Variants in IL1RAP observed in about 807,000 individuals in gnomAD.
The protein encoded by IL1RAP is interleukin-1 receptor accessory protein.
In IL1RAP, 35 loss-of-function variants were observed where a neutral mutation model predicts 60.7. That is an observed-to-expected ratio of 0.58 (90% confidence interval 0.44 to 0.76). The LOEUF (loss-of-function observed/expected upper bound fraction) is 0.76, where lower values mean the gene tolerates loss of function less well. Ranked by LOEUF, IL1RAP falls within the 30% of genes least tolerant of loss-of-function variation. The probability of loss-of-function intolerance (pLI) is 0.00; values close to 1 mark genes in which losing one functional copy is unlikely to be tolerated. For missense variants in IL1RAP, 572 were observed against 693.9 expected (o/e 0.82, Z 1.97); for synonymous variants, 268 against 250.9 (o/e 1.07, Z -0.64).
intron 9 of IL1RAP, among the ~76,000 whole-genome samples, chr3:190,631,629 G>A (rs1374819814): frequency 6.6e-6 from 1 of 152,106 alleles, no homozygotes; most frequent in Non-Finnish European, 1.5e-5. Flanking sequence ...AAATTTATTA[G>A]CAAAGCATTA....
intron 1 of IL1RAP, among the ~76,000 whole-genome samples, chr3:190,551,534 A>G (rs1724865109): frequency 6.6e-6 from 1 of 152,234 alleles, no homozygotes; most frequent in African/African-American, 2.4e-5. Flanking sequence ...AAAACAAAAC[A>G]AAGATCAGCA....
At chr3:190,564,205 C>T (rs1000231954) in intron 2 of IL1RAP, 84 bp from the exon 3 acceptor site, 20 of 859,050 alleles carry the variant, frequency 2.3e-5, no homozygotes, top group Non-Finnish European at 4.0e-5. Flanking sequence ...AGTCTATAGT[C>T]AGCAGGCATG....
rs1478079389 is a variant in IL1RAP, at chr3:190,644,261, A to G, written c.1065A>G (p.Arg355=). 1 of 1,613,422 alleles carries G rather than the reference A, an allele frequency of 6.2e-7. No homozygotes were observed. Among genetic ancestry groups the G allele is most frequent in the Admixed American group, 1.7e-5 (1 of 59,920 alleles). Residue 355 remains arginine, a synonymous_variant, in exon 10 of 12, where the codon AGA becomes AGG. Transcript: ENST00000447382. ...TGTTCATTCCAGTGCCAGCTCCAAG[A>G]TACACAGTGGAACTGGCTTGTGGTT... ...AKVKQKVPAP[R]YTVELACGFG... is the part of the protein sequence containing the mutation.
At chr3:190,617,121 CTTCA>C (rs1731349236) in intron 5 of IL1RAP, among the ~76,000 whole-genome samples, 2 of 152,138 alleles carry the variant, frequency 1.3e-5, no homozygotes, top group South Asian at 4.1e-4. Flanking sequence ...CCAAATCTTT[CTTCA>C]TTAAGTTTTT....
chr3:190,601,791 GA>G (rs1241279051), intron 3 of IL1RAP, among the ~76,000 whole-genome samples: 2 of 151,984 alleles, frequency 1.3e-5, no homozygotes, highest in African/African-American at 4.8e-5. Context: ...TGGAAAGCCA[GA>G]TAGCCATACT....
In IL1RAP at chr3:190,609,177, A is replaced by G. The variant is rs1345736279; in HGVS notation, c.533A>G (p.Tyr178Cys). ...AGTGTCAAACCGACTATCACTTGGT[A>G]TATGGTAAGGAAAATTAGACTACAT... ...PSSVKPTITW[Y>C]MGCYKIQNFN... is the part of the protein sequence containing the mutation. The change falls in exon 5 of 12, where the codon TAT becomes TGT. Residue 178 changes from tyrosine to cysteine, a missense_variant. Physicochemically the swap from Tyr to Cys is radical, Grantham distance 194 (BLOSUM62 -2). Transcript: ENST00000447382. 1 of 1,599,234 alleles carries G rather than the reference A, an allele frequency of 6.3e-7. No individual in the cohort carries two copies. The highest frequency in any genetic ancestry group is 8.5e-7 in the Non-Finnish European group (1 of 1,171,836).
In IL1RAP at chr3:190,650,446, C is replaced by T; in HGVS notation, c.*1741C>T. 1.0e-6 allele frequency: 1 copy of T among 983,616 alleles called. No individual in the cohort carries two copies. The highest frequency in any genetic ancestry group is 1.2e-6 in the Non-Finnish European group (1 of 828,380). 60.9% of individuals were successfully genotyped at this position (983,616 alleles called of 1,614,324 possible). On this transcript the variant is annotated 3_prime_UTR_variant, in exon 12 of 12. Transcript: ENST00000447382. The stretch of plus-strand genomic sequence containing the variant: ...ACTAAGCTATGTTAACCTCAGTGCT[C>T]AACTATTTGAACTGTTGAGTGATAA...
At chr3:190,590,208 G>A (rs1728823060) in intron 3 of IL1RAP, among the ~76,000 whole-genome samples, 1 of 151,210 alleles carries the variant, frequency 6.6e-6, no homozygotes, top group African/African-American at 2.4e-5. Context: ...ATATATTTGT[G>A]ACATGTACTG....
At chr3:190,521,870 C>G (rs189859831) in intron 1 of IL1RAP, among the ~76,000 whole-genome samples, 16 of 152,148 alleles carry the variant, frequency 1.1e-4, no homozygotes, top group Non-Finnish European at 2.1e-4. Flanking sequence ...AAAGCAAGTT[C>G]TGTATCACCG....
Position 190,629,381 on chromosome 3 carries a change from A to G in IL1RAP, c.934A>G (p.Arg312Gly). Reference sequence around the variant, plus strand: ...TCATAGTAGAACAGAAGATGAAACAAGAACTCAGATTTTGAGCATCAAGAA... The same window carrying G: ...TCATAGTAGAACAGAAGATGAAACAGGAACTCAGATTTTGAGCATCAAGAA... ...ISHSRTEDET[R>G]TQILSIKKVT... Residue 312 changes from arginine to glycine, a missense_variant, in exon 9 of 12, where the codon AGA (arginine) becomes GGA (glycine). Physicochemically the swap from Arg to Gly is moderately radical, Grantham distance 125 (BLOSUM62 -2). Coordinates refer to ENST00000447382, the MANE Select transcript of IL1RAP (RefSeq NM_002182.4). 6.2e-7 allele frequency: 1 copy of G among 1,612,810 alleles called. No individual in the cohort carries two copies. The highest frequency in any genetic ancestry group is 8.5e-7 in the Non-Finnish European group (1 of 1,179,414).
chr3:190,590,591 G>A (rs946100057), intron 3 of IL1RAP, among the ~76,000 whole-genome samples: 1 of 152,298 alleles, frequency 6.6e-6, no homozygotes, highest in South Asian at 2.1e-4. Context: ...CTTATGGGCA[G>A]CGATGCCATT....
chr3:190,579,094 CT>C (rs1173586148), intron 3 of IL1RAP, among the ~76,000 whole-genome samples: 2 of 152,252 alleles, frequency 1.3e-5, no homozygotes, highest in Non-Finnish European at 1.5e-5. Context: ...TTACAGGCAG[CT>C]TTCTGTTTTG....
At chr3:190,532,007 G>A (rs1329060581) in intron 1 of IL1RAP, among the ~76,000 whole-genome samples, 1 of 127,304 alleles carries the variant, frequency 7.9e-6, no homozygotes, top group African/African-American at 3.7e-5. Context: ...GGCCTCAGAG[G>A]AATATGTTGT....
At chr3:190,630,602 A>G (rs977274160) in intron 9 of IL1RAP, among the ~76,000 whole-genome samples, 2 of 152,228 alleles carry the variant, frequency 1.3e-5, no homozygotes, top group Non-Finnish European at 2.9e-5. Flanking sequence ...TGAAATGTAT[A>G]TGCTGCGTAT....
intron 1 of IL1RAP, among the ~76,000 whole-genome samples, chr3:190,538,905 G>A (rs745846556): frequency 7.2e-5 from 11 of 152,114 alleles, no homozygotes; most frequent in African/African-American, 2.2e-4. Context: ...GAAGAAGGAC[G>A]TGTTTGCTTT....
chr3:190,544,514 C>A (rs539607488), intron 1 of IL1RAP, among the ~76,000 whole-genome samples: 12 of 152,260 alleles, frequency 7.9e-5, no homozygotes, highest in African/African-American at 2.9e-4. Flanking sequence ...AGTTCATGAG[C>A]CTTACTCTAA....
chr3:190,656,829 C>A (rs1734634695), exon 12 of IL1RAP: 1 of 435,228 alleles, frequency 2.3e-6, no homozygotes, highest in African/African-American at 2.0e-5. Flanking sequence ...CTTCTTGGGC[C>A]CTAGAAGGTC....
At chr3:190,632,238 C>T (rs1732850702) in intron 9 of IL1RAP, among the ~76,000 whole-genome samples, 2 of 152,222 alleles carry the variant, frequency 1.3e-5, no homozygotes, top group Non-Finnish European at 2.9e-5. Flanking sequence ...ATTCCAGGCG[C>T]TCTATTTCCT....
At chr3:190,535,010 G>A (rs895722814) in intron 1 of IL1RAP, among the ~76,000 whole-genome samples, 1 of 151,856 alleles carries the variant, frequency 6.6e-6, no homozygotes. Context: ...GAGAGCCTTG[G>A]TAGCAACAAA....
Sources: allele counts gnomAD v4.1 joint callset (sites outside exome capture counted in the v4.1 genomes callset), GRCh38; gene constraint gnomAD v4.1.1; transcripts MANE v1.5; gene names NCBI Gene and HGNC (gene_info 2026-07-23, HGNC 2026-07-21).